Variants in THSD7B observed in about 807,000 individuals in gnomAD.
The protein encoded by THSD7B is thrombospondin type-1 domain-containing protein 7B.
THSD7B carries 138 observed loss-of-function variants against 213.6 expected under a neutral mutation model. The observed-to-expected ratio is 0.65, with a 90% CI of 0.56 to 0.74. The LOEUF is 0.74. Ranked by LOEUF, THSD7B falls within the 30% of genes least tolerant of loss-of-function variation. The probability of loss-of-function intolerance (pLI) is 0.00; values close to 1 mark genes in which losing one functional copy is unlikely to be tolerated. For missense variants in THSD7B, 1,931 were observed against 1,991.5 expected (o/e 0.97, Z 0.58); for synonymous variants, 742 against 687.0 (o/e 1.08, Z -1.25).
At chr2:137,096,902 G>A (rs1688049935) in intron 4 of THSD7B, among the ~76,000 whole-genome samples, 1 of 152,218 alleles carries the variant, frequency 6.6e-6, no homozygotes, top group Admixed American at 6.5e-5. Context: ...TAGCACATAG[G>A]TGGCGCTGCA....
rs934123148 is a variant in THSD7B, at chr2:137,676,703, G to A, written c.*98G>A. 28 of 1,066,112 alleles carry A rather than the reference G, an allele frequency of 2.6e-5. No individual in the cohort carries two copies. The Admixed American group carries it at 4.1e-4, about 16-fold the overall frequency. The allele number at this position is 1,066,112 out of a possible 1,614,324, so 66.0% of individuals were successfully genotyped here. The stretch of plus-strand genomic sequence containing the variant: ...AGTTTTTTGAGGAATCTCAAGATGT[G>A]ATATATTGGGCAGAATACAAATATT... On this transcript the variant is annotated 3_prime_UTR_variant, in exon 28 of 28. Transcript: ENST00000409968.
At chr2:137,225,443 A>T (rs2105048819) in intron 7 of THSD7B, among the ~76,000 whole-genome samples, 1 of 152,324 alleles carries the variant, frequency 6.6e-6, no homozygotes, top group Non-Finnish European at 1.5e-5. Flanking sequence ...AAAGAGAAAG[A>T]TATATGTGAG....
intron 1 of THSD7B, among the ~76,000 whole-genome samples, chr2:136,814,898 G>T (rs1682446099): frequency 3.9e-5 from 6 of 152,108 alleles, no homozygotes; most frequent in African/African-American, 1.4e-4. Flanking sequence ...TATACTTCTA[G>T]ATAGTTGGAA....
chr2:137,196,984 A>C (rs185174856), intron 7 of THSD7B, among the ~76,000 whole-genome samples: 207 of 152,316 alleles, frequency 1.4e-3, no homozygotes, highest in African/African-American at 4.5e-3. Flanking sequence ...GTTCTGTGCT[A>C]TGCCTGCCAA....
chr2:137,218,703 T>A (rs1573893391), intron 7 of THSD7B, among the ~76,000 whole-genome samples: 1 of 152,152 alleles, frequency 6.6e-6, no homozygotes, highest in South Asian at 2.1e-4. Flanking sequence ...AATTTCCAAC[T>A]GATGTCAGCT....
intron 20 of THSD7B, among the ~76,000 whole-genome samples, chr2:137,638,390 T>A (rs564711313): frequency 6.6e-6 from 1 of 152,260 alleles, no homozygotes; most frequent in Non-Finnish European, 1.5e-5. Context: ...TCTTGTTACC[T>A]CCATGTAAGA....
intron 2 of THSD7B, among the ~76,000 whole-genome samples, chr2:136,895,540 T>TAA (rs1553456268): frequency 1.4e-5 from 2 of 144,306 alleles, no homozygotes; most frequent in African/African-American, 5.3e-5. Context: ...TTTTTTTTTT[T>TAA]ACAGAATTCC....
chr2:137,196,752 G>C (rs1680773517), intron 7 of THSD7B, among the ~76,000 whole-genome samples: 1 of 152,052 alleles, frequency 6.6e-6, no homozygotes, highest in South Asian at 2.1e-4. Context: ...TGGTGTAAAA[G>C]AAACATAAAT....
chr2:137,255,902 G>T (rs1053650945), intron 10 of THSD7B, among the ~76,000 whole-genome samples: 1 of 152,000 alleles, frequency 6.6e-6, no homozygotes, highest in Admixed American at 6.6e-5. Flanking sequence ...TGCCCAGGAT[G>T]GTCTCAAACT....
At chr2:137,563,839 GA>G (rs1244111194) in intron 16 of THSD7B, among the ~76,000 whole-genome samples, 3 of 152,170 alleles carry the variant, frequency 2.0e-5, no homozygotes, top group Non-Finnish European at 2.9e-5. Flanking sequence ...TAATATAAGA[GA>G]AACACATCTC....
intron 2 of THSD7B, among the ~76,000 whole-genome samples, chr2:136,911,643 G>A (rs1478317574): frequency 6.6e-6 from 1 of 152,210 alleles, no homozygotes; most frequent in African/African-American, 2.4e-5. Context: ...TTAGTGCCAT[G>A]CCTGCTGTAT....
At chr2:137,181,048 C>A (rs1680443604) in intron 7 of THSD7B, among the ~76,000 whole-genome samples, 1 of 152,200 alleles carries the variant, frequency 6.6e-6, no homozygotes, top group South Asian at 2.1e-4. Context: ...TTCCCTCTGG[C>A]ACAAAGTGAG....
At chr2:136,968,617 A>G (rs908954985) in intron 2 of THSD7B, among the ~76,000 whole-genome samples, 2 of 152,148 alleles carry the variant, frequency 1.3e-5, no homozygotes, top group South Asian at 4.1e-4. Context: ...ATTTTAATGT[A>G]GAGATGCTTA....
chr2:137,441,261 G>T (rs965619777), intron 14 of THSD7B, among the ~76,000 whole-genome samples: 1 of 151,960 alleles, frequency 6.6e-6, no homozygotes, highest in African/African-American at 2.4e-5. Flanking sequence ...TCATTCCAGT[G>T]CCCCAATCAA....
At chr2:137,273,333 A>T (rs1261606067) in intron 11 of THSD7B, among the ~76,000 whole-genome samples, 1 of 152,086 alleles carries the variant, frequency 6.6e-6, no homozygotes, top group Non-Finnish European at 1.5e-5. Flanking sequence ...ATTACTATTT[A>T]AAAAATAATA....
intron 15 of THSD7B, among the ~76,000 whole-genome samples, chr2:137,496,102 T>C (rs1467770082): frequency 6.6e-6 from 1 of 152,124 alleles, no homozygotes; most frequent in Non-Finnish European, 1.5e-5. Flanking sequence ...ATTTTGAAAT[T>C]GGTGAGTGTA....
At chr2:136,841,288 G>C (rs1385794038) in intron 1 of THSD7B, among the ~76,000 whole-genome samples, 7 of 152,032 alleles carry the variant, frequency 4.6e-5, no homozygotes, top group Admixed American at 3.9e-4. Context: ...TAAAGGTAAT[G>C]CACATTTGTT....
intron 3 of THSD7B, among the ~76,000 whole-genome samples, chr2:137,084,294 A>G (rs1053819344): frequency 6.6e-6 from 1 of 152,176 alleles, no homozygotes; most frequent in African/African-American, 2.4e-5. Flanking sequence ...TCAAGAAAAA[A>G]TATAATAAAG....
At chr2:137,023,775 G>A (rs1432992949) in intron 2 of THSD7B, among the ~76,000 whole-genome samples, 1 of 152,146 alleles carries the variant, frequency 6.6e-6, no homozygotes, top group Non-Finnish European at 1.5e-5. Context: ...GTGATGAAAT[G>A]CTAGCTGGCA....
Sources: allele counts gnomAD v4.1 joint callset (sites outside exome capture counted in the v4.1 genomes callset), GRCh38; gene constraint gnomAD v4.1.1; transcripts MANE v1.5; gene names NCBI Gene and HGNC (gene_info 2026-07-23, HGNC 2026-07-21).